Variants in TTLL4 observed in about 807,000 individuals in gnomAD.
The protein encoded by TTLL4 is tubulin monoglutamylase TTLL4.
Under a neutral mutation model 122.7 loss-of-function variants are expected in TTLL4, and 85 were observed. The ratio of observed to expected loss-of-function variants is 0.69; its 90% CI spans 0.58 to 0.83. TTLL4 has a LOEUF of 0.83. TTLL4 is among the 40% of genes least tolerant of loss of function. TTLL4 has a pLI of 0.00. For synonymous variants in TTLL4, 553 were observed against 563.0 expected (o/e 0.98, Z 0.25); for missense variants, 1,363 against 1,488.6 (o/e 0.92, Z 1.39).
At position 218,738,687 on chromosome 2, in the gene TTLL4, T is replaced by G. The variant is rs1352753902; in HGVS notation, c.1011T>G (p.Thr337=). 1 of 1,614,112 alleles carries G rather than the reference T, an allele frequency of 6.2e-7. No homozygotes were observed. Among genetic ancestry groups the G allele is most frequent in the Non-Finnish European group, 8.5e-7 (1 of 1,180,046 alleles). Residue 337 remains threonine (T), a synonymous_variant, in exon 3 of 20, where the codon ACT becomes ACG. Coordinates refer to ENST00000392102, the MANE Select transcript of TTLL4 (RefSeq NM_014640.5). The part of the protein sequence containing the change: ...SQDPTKEIRF[T]EAVRKLTARG... ...ATCCAACTAAGGAGATTCGGTTCAC[T>G]GAGGCCGTGAGGAAATTGACCGCAA...
At chr2:218,735,259 C>T (rs1006997232) in intron 2 of TTLL4, among the ~76,000 whole-genome samples, 6 of 152,076 alleles carry the variant, frequency 3.9e-5, no homozygotes, top group South Asian at 2.1e-4. Flanking sequence ...ATAACTTAAG[C>T]GAAAAAACCA....
intron 18 of TTLL4, 191 bp from the exon 19 acceptor site, chr2:218,753,393 G>C (rs1357887463): frequency 1.2e-6 from 1 of 812,884 alleles, no homozygotes; most frequent in Non-Finnish European, 2.0e-6. Flanking sequence ...AAAGTGCTTT[G>C]TAGGCCTCAA....
rs1471847385 is a variant in TTLL4, at chr2:218,751,731, T to G, written c.2901T>G (p.Cys967Trp). The change falls in exon 16 of 20, where the codon TGT (cysteine) becomes TGG (tryptophan). Residue 967 changes from cysteine (C) to tryptophan (W), a missense_variant. Cys to Trp is a radical substitution (Grantham distance 215). Coordinates refer to ENST00000392102, the MANE Select transcript of TTLL4 (RefSeq NM_014640.5). ...TSLPTSPGDK[C>W]RMAPEHVTAQ... Reference sequence around the variant, plus strand: ...TGCCCACCTCCCCTGGGGACAAATGTCGAATGGCTCCAGAGCATGTCACTG... The same window carrying G: ...TGCCCACCTCCCCTGGGGACAAATGGCGAATGGCTCCAGAGCATGTCACTG... The G allele has an allele frequency of 6.2e-6, 10 of 1,613,382 alleles. No homozygotes were observed. In the South Asian group the frequency reaches 6.6e-5, roughly 11 times the overall value.
downstream of TTLL4, among the ~76,000 whole-genome samples, chr2:218,759,011 G>A (rs7593544): frequency 0.53 from 81,065 of 151,614 alleles, 23,177 homozygotes; most frequent in African/African-American, 0.73. Context: ...TGGGAGGCCA[G>A]GGCAGGTGGA....
intron 1 of TTLL4, among the ~76,000 whole-genome samples, chr2:218,715,928 C>A (rs1941844584): frequency 6.6e-6 from 1 of 152,312 alleles, no homozygotes; most frequent in East Asian, 1.9e-4. Flanking sequence ...CCACACCCGG[C>A]CTGGAATGAT....
chr2:218,736,000 G>C (rs1479721450), intron 2 of TTLL4, among the ~76,000 whole-genome samples: 2 of 123,964 alleles, frequency 1.6e-5, no homozygotes, highest in African/African-American at 6.4e-5. Flanking sequence ...TGTGAGACAG[G>C]GTCTCACTCT....
chr2:218,748,861 C>T lies in TTLL4; in HGVS notation c.2527C>T (p.Leu843=). The T allele has an allele frequency of 6.2e-7, 1 of 1,614,148 alleles. No individual in the cohort carries two copies. Among genetic ancestry groups the T allele is most frequent in the Non-Finnish European group, 8.5e-7 (1 of 1,180,020 alleles). Residue 843 remains leucine (L), a synonymous_variant, in exon 13 of 20, where the codon CTG becomes TTG. Coordinates refer to ENST00000392102, the MANE Select transcript of TTLL4 (RefSeq NM_014640.5). ...KWALKALWNY[L]SQKGVNSDAI... is the part of the protein sequence containing the mutation. Reference sequence around the variant, plus strand: ...GGCACTGAAGGCTTTGTGGAACTACCTGAGCCAGAAGGGAGTCAATAGCGA... The same window carrying T: ...GGCACTGAAGGCTTTGTGGAACTACTTGAGCCAGAAGGGAGTCAATAGCGA...
Position 218,754,598 on chromosome 2 carries a change from CTG to C in TTLL4, c.*211_*212del. On this transcript the variant is annotated 3_prime_UTR_variant, in exon 20 of 20. Coordinates refer to ENST00000392102, the MANE Select transcript of TTLL4 (RefSeq NM_014640.5). ...GGAGAAGGTGAGGAAGGGTCACCCT[CTG>C]TCACCTGTCTGCCTGGCTGGCACCT... 2 of 667,198 alleles carry C rather than the reference CTG, an allele frequency of 3.0e-6. No individual in the cohort carries two copies. Among genetic ancestry groups the C allele is most frequent in the Non-Finnish European group, 2.5e-6 (1 of 403,798 alleles). The allele number at this position is 667,198 out of a possible 1,614,324, so 41.3% of individuals were successfully genotyped here. A position where few individuals can be genotyped will look rare whatever the true frequency, so the allele number is the denominator to read the frequency against.
intron 2 of TTLL4, among the ~76,000 whole-genome samples, chr2:218,733,206 G>A (rs964780122): frequency 6.6e-6 from 1 of 152,052 alleles, no homozygotes; most frequent in African/African-American, 2.4e-5. Context: ...TACACATCAT[G>A]GGGACTGTAT....
At chr2:218,749,974 C>G in intron 14 of TTLL4, 35 bp from the exon 15 acceptor site, 1 of 1,609,524 alleles carries the variant, frequency 6.2e-7, no homozygotes, top group Non-Finnish European at 8.5e-7. Context: ...TTTCGGAGTG[C>G]TGCTTTGACC....
intron 4 of TTLL4, 70 bp from the exon 5 acceptor site, chr2:218,740,451 T>C (rs1354325255): frequency 6.6e-7 from 1 of 1,522,330 alleles, no homozygotes; most frequent in African/African-American, 1.4e-5. Context: ...CAAGGAAGAG[T>C]TGCCTAGGCT....
intron 2 of TTLL4, among the ~76,000 whole-genome samples, chr2:218,736,078 G>A (rs1465808510): frequency 1.3e-5 from 2 of 149,130 alleles, no homozygotes; most frequent in Admixed American, 6.8e-5. Context: ...ATGCTCAAGC[G>A]TTTTTCATAC....
At chr2:218,725,696 T>C (rs4674326) in intron 1 of TTLL4, among the ~76,000 whole-genome samples, 75,451 of 151,720 alleles carry the variant, frequency 0.5, 19,484 homozygotes, top group African/African-American at 0.61. Flanking sequence ...GCTGGGATTA[T>C]AGGCACATGC....
chr2:218,741,876 G>C (rs556632883), intron 5 of TTLL4, among the ~76,000 whole-genome samples: 4 of 152,110 alleles, frequency 2.6e-5, no homozygotes, highest in Admixed American at 6.5e-5. Context: ...TTAATCATTT[G>C]CTCATTAATT....
chr2:218,748,654 CAAAAAAA>C (rs570493846), intron 12 of TTLL4, 175 bp from the exon 13 acceptor site: 29 of 229,590 alleles, frequency 1.3e-4, no homozygotes, highest in Non-Finnish European at 1.8e-4. Context: ...AACTCCATCT[CAAAAAAA>C]AAAAAAAAAA....
intron 5 of TTLL4, among the ~76,000 whole-genome samples, chr2:218,741,354 T>C (rs954058625): frequency 2.7e-4 from 41 of 152,210 alleles, no homozygotes; most frequent in African/African-American, 9.6e-4. Context: ...TGTATATCAC[T>C]GGGCTTGACC....
chr2:218,725,972 TGTTTGA>T (rs1371706166), intron 1 of TTLL4, among the ~76,000 whole-genome samples: 1 of 152,272 alleles, frequency 6.6e-6, no homozygotes, highest in Non-Finnish European at 1.5e-5. Context: ...GGTATTAGAC[TGTTTGA>T]GTTTGTCCAT....
rs372440850 is a variant in TTLL4 at position 218,737,734 on chromosome 2, A to G, written c.58A>G (p.Lys20Glu). Residue 20 changes from lysine (K) to glutamate (E), a missense_variant, in exon 3 of 20, where the codon AAG becomes GAG. Transcript: ENST00000392102. Reference sequence around the variant, plus strand: ...TGGCCTCCGCCAGAAAAACAGCTTCAAGCAGAGTGGTCCCTCAGGCACAGT... The same window carrying G: ...TGGCCTCCGCCAGAAAAACAGCTTCGAGCAGAGTGGTCCCTCAGGCACAGT... Reference protein sequence around the residue: ...SIGLRQKNSFKQSGPSGTVPA... With the variant: ...SIGLRQKNSFEQSGPSGTVPA... The G allele has an allele frequency of 2.0e-5, 33 of 1,613,900 alleles. No homozygotes were observed. The highest frequency in any genetic ancestry group is 5.9e-6 in the Non-Finnish European group (7 of 1,179,954).
intron 1 of TTLL4, among the ~76,000 whole-genome samples, chr2:218,726,239 G>T (rs974594576): frequency 2.0e-5 from 3 of 152,004 alleles, no homozygotes; most frequent in African/African-American, 7.2e-5. Flanking sequence ...TCTCTCACTT[G>T]GATAATTTCC....
Sources: allele counts gnomAD v4.1 joint callset (sites outside exome capture counted in the v4.1 genomes callset), GRCh38; gene constraint gnomAD v4.1.1; transcripts MANE v1.5; gene names NCBI Gene and HGNC (gene_info 2026-07-23, HGNC 2026-07-21).